PARVG: variants seen among roughly 807,000 people sequenced by gnomAD.
The protein encoded by PARVG is gamma-parvin.
In PARVG, 36 loss-of-function variants were observed where a neutral mutation model predicts 44.4. The observed-to-expected ratio is 0.81, with a 90% CI of 0.62 to 1.07. PARVG has a LOEUF of 1.07. Among genes scored for constraint, PARVG ranks in the 50% least tolerant of loss-of-function variants. The pLI, the probability that PARVG is intolerant of heterozygous loss-of-function variation, is 0.00. For synonymous variants in PARVG, 170 were observed against 174.1 expected, an observed-to-expected ratio of 0.98 and a Z score of 0.19; for missense variants, 407 against 407.4, an observed-to-expected ratio of 1.00 and a Z score of 0.01.
At position 44,175,425 on chromosome 22, in the gene PARVG, C is replaced by T. The variant is rs548885214; in HGVS notation, c.-189+2234C>T. Among the ~76,000 whole-genome samples, 6 of 152,374 alleles carry T rather than the reference C, an allele frequency of 3.9e-5. No individual in the cohort carries two copies. In the East Asian group the frequency reaches 7.7e-4, roughly 20 times the overall value. On this transcript the variant is annotated intron_variant, in intron 1 of 13. Transcript: ENST00000422871. The stretch of plus-strand genomic sequence containing the variant: ...TACCCAGGCAGGAATCCCCGGCCAC[C>T]GCAGGGACGGGCATCTCTGTTCCTT...
At chr22:44,175,006 C>T (rs1189134803) in intron 1 of PARVG, among the ~76,000 whole-genome samples, 1 of 152,162 alleles carries the variant, frequency 6.6e-6, no homozygotes, top group Non-Finnish European at 1.5e-5. Context: ...CCTGTAATCC[C>T]AGCTACTAGG....
chr22:44,183,756 T>C, intron 3 of PARVG: 1 of 401,064 alleles, frequency 2.5e-6, no homozygotes, highest in East Asian at 3.6e-5. Context: ...TTTATACAGA[T>C]GAGGAAACTG....
At chr22:44,191,785 G>A (rs2054552167) in intron 7 of PARVG, among the ~76,000 whole-genome samples, 1 of 152,148 alleles carries the variant, frequency 6.6e-6, no homozygotes, top group Admixed American at 6.5e-5. Flanking sequence ...AATCAGAAGT[G>A]ACTTCATTGA....
Position 44,187,892 on chromosome 22 carries a change from T to G in PARVG, c.247+14T>G. 3 of 1,613,968 alleles carry G rather than the reference T, an allele frequency of 1.9e-6. No homozygotes were observed. Among genetic ancestry groups the G allele is most frequent in the East Asian group, 2.2e-5 (1 of 44,886 alleles). On this transcript the variant is annotated intron_variant, in intron 5 of 13. Coordinates refer to ENST00000444313, the MANE Select transcript of PARVG (RefSeq NM_022141.7). ...ACCACCTATTCCGTAAGTGGCTGTT[T>G]CTGGGGCTGCCTGGGCCTCGGCCCC... is the stretch of plus-strand genomic sequence containing the variant.
In PARVG at chr22:44,206,983, G is replaced by C. The variant is rs978348905; in HGVS notation, c.*557G>C. On this transcript the variant is annotated 3_prime_UTR_variant, in exon 14 of 14. Coordinates refer to ENST00000444313, the MANE Select transcript of PARVG (RefSeq NM_022141.7). ...GATTCAGTGACTGTCAAAGCAACCC[G>C]GGCTGTGTCCTGCAGCTGCCCTCGT... The C allele has an allele frequency of 1.3e-5, 2 of 156,746 alleles. No homozygotes were observed. The highest frequency in any genetic ancestry group is 2.4e-5 in the African/African-American group (1 of 41,406). 9.7% of individuals were successfully genotyped at this position (156,746 alleles called of 1,614,324 possible). A position where few individuals can be genotyped will look rare whatever the true frequency, so the allele number is the denominator to read the frequency against.
intron 12 of PARVG, 121 bp from the exon 13 acceptor site, chr22:44,205,636 G>T: frequency 8.5e-7 from 1 of 1,177,480 alleles, no homozygotes. Flanking sequence ...GCCCACCTTG[G>T]ATGGGAGTTT....
chr22:44,183,198 C>T (rs911898503), intron 2 of PARVG, 120 bp from the exon 3 acceptor site: 42 of 858,900 alleles, frequency 4.9e-5, no homozygotes, highest in Non-Finnish European at 6.5e-5. Flanking sequence ...GGCATGCTGA[C>T]GTGTCCCCAG....
chr22:44,189,116 A>C lies in PARVG; in HGVS notation c.250A>C (p.Arg84=). ...DGLILHHLFQ[R]LAALKLEAED... Reference sequence around the variant, plus strand: ...TCACCACCCTCTCCTGCCTCCAGAGAGGCTGGCGGCGCTCAAGCTGGAAGC... The same window carrying C: ...TCACCACCCTCTCCTGCCTCCAGAGCGGCTGGCGGCGCTCAAGCTGGAAGC... The change falls in exon 6 of 14, where the codon AGG becomes CGG. Residue 84 remains arginine, a splice_region_variant and synonymous_variant. Transcript: ENST00000444313. 6.2e-7 allele frequency: 1 copy of C among 1,613,482 alleles called. No homozygotes were observed. Among genetic ancestry groups the C allele is most frequent in the Non-Finnish European group, 8.5e-7 (1 of 1,179,964 alleles).
At chr22:44,193,116 TG>T (rs1419148953) in intron 8 of PARVG, among the ~76,000 whole-genome samples, 12 of 152,118 alleles carry the variant, frequency 7.9e-5, no homozygotes, top group Non-Finnish European at 1.6e-4. Context: ...CTCTGCCCCG[TG>T]GGCCCCAGCT....
At position 44,198,652 on chromosome 22, in the gene PARVG, T is replaced by C. The variant is rs150047528; in HGVS notation, c.743T>C (p.Ile248Thr). Reference sequence around the variant, plus strand: ...GATGGGGTCATCTTACTCTTGCTGATTGGACAACTTGAAGGCTTCTTCCTG... The same window carrying C: ...GATGGGGTCATCTTACTCTTGCTGACTGGACAACTTGAAGGCTTCTTCCTG... Reference protein sequence around the residue: ...FADGVILLLLIGQLEGFFLHL... With the variant: ...FADGVILLLLTGQLEGFFLHL... Residue 248 changes from isoleucine (I) to threonine (T), a missense_variant, in exon 12 of 14, where the codon ATT (isoleucine) becomes ACT (threonine). Coordinates refer to ENST00000444313, the MANE Select transcript of PARVG (RefSeq NM_022141.7). 1.9e-5 allele frequency: 31 copies of C among 1,613,838 alleles called. No homozygotes were observed. Among genetic ancestry groups the C allele is most frequent in the Non-Finnish European group, 2.5e-5 (30 of 1,179,842 alleles).
chr22:44,178,230 G>C (rs1049362732), upstream of PARVG, among the ~76,000 whole-genome samples: 3 of 152,196 alleles, frequency 2.0e-5, no homozygotes, highest in East Asian at 5.8e-4. Context: ...CAGCTTTTCT[G>C]TGAGTTTGAA....
At chr22:44,174,837 G>T (rs536138205) in intron 1 of PARVG, among the ~76,000 whole-genome samples, 6 of 152,176 alleles carry the variant, frequency 3.9e-5, no homozygotes, top group South Asian at 2.1e-4. Flanking sequence ...AAATATAACT[G>T]CCGTCCGGGC....
intron 6 of PARVG, 26 bp downstream of exon 6, chr22:44,189,280 C>T: frequency 6.2e-7 from 1 of 1,612,154 alleles, no homozygotes. Context: ...CCTGGCTACC[C>T]CTGGGGAGTG....
At chr22:44,205,038 G>A (rs1034177934) in intron 12 of PARVG, among the ~76,000 whole-genome samples, 2 of 152,200 alleles carry the variant, frequency 1.3e-5, no homozygotes, top group South Asian at 2.1e-4. Flanking sequence ...GAGGCCCTGG[G>A]CAGGGACTAA....
At chr22:44,180,160 T>A (rs941967945), upstream of PARVG, among the ~76,000 whole-genome samples, 6 of 152,140 alleles carry the variant, frequency 3.9e-5, no homozygotes, top group African/African-American at 1.4e-4. Flanking sequence ...GCTGGCTGTG[T>A]CCCTCTACCA....
chr22:44,206,148 C>T lies in PARVG; in HGVS notation c.887-169C>T, dbSNP rs545613556. ...ACTGGCCAGGAGGAGGAGGCAGTCA[C>T]GCAGCAGGCGCGGGACCCAGGCCTG... On this transcript the variant is annotated intron_variant, in intron 13 of 13. Transcript: ENST00000444313. Among the ~76,000 whole-genome samples, 126 of 152,180 alleles carry T rather than the reference C, an allele frequency of 8.3e-4. 1 individual carries two copies. The highest frequency in any genetic ancestry group is 1.3e-3 in the Non-Finnish European group (87 of 67,978).
Position 44,198,911 on chromosome 22 carries a change from C to T in PARVG, c.813+189C>T, listed in dbSNP as rs1414509437. On this transcript the variant is annotated intron_variant, in intron 12 of 13. Coordinates refer to ENST00000444313, the MANE Select transcript of PARVG (RefSeq NM_022141.7). Reference sequence around the variant, plus strand: ...CTATTCACCTATCCATCCATCTACCCATCCATCCATCTACCCATCCATCCA... The same window carrying T: ...CTATTCACCTATCCATCCATCTACCTATCCATCCATCTACCCATCCATCCA... 2.8e-4 allele frequency among the ~76,000 whole-genome samples: 30 copies of T among 109,076 alleles called. 1 individual carries two copies. Among genetic ancestry groups the T allele is most frequent in the Admixed American group, 2.2e-3 (22 of 10,086 alleles). The allele number at this position is 109,076 out of a possible 152,430, so 71.6% of individuals were successfully genotyped here. A position where few individuals can be genotyped will look rare whatever the true frequency, so the allele number is the denominator to read the frequency against.
In PARVG at chr22:44,183,318, G is replaced by C. The variant is rs2054412508; in HGVS notation, c.-12G>C. The C allele has an allele frequency of 6.2e-7, 1 of 1,606,762 alleles. No homozygotes were observed. Among genetic ancestry groups the C allele is most frequent in the Non-Finnish European group, 8.5e-7 (1 of 1,177,812 alleles). On this transcript the variant is annotated splice_region_variant and 5_prime_UTR_variant, in exon 3 of 14. Coordinates refer to ENST00000444313, the MANE Select transcript of PARVG (RefSeq NM_022141.7). ...GCCCTCTCCTGCCTCCTCTGTGCAG[G>C]CTTGGGAGGCGATGGAGCCGGAGTT...
In PARVG at chr22:44,189,221, C is replaced by T; in HGVS notation, c.355C>T (p.Leu119=). The change falls in exon 6 of 14, where the codon CTG becomes TTG. Residue 119 remains leucine, a synonymous_variant. Transcript: ENST00000444313. ...VLEAVNRSLQ[L]EEWQAKWSVE... ...GGAGGCCGTGAACCGGAGTCTGCAG[C>T]TGGAGGAGTGGCAGGCCAAGTGGAG... The T allele has an allele frequency of 1.2e-6, 2 of 1,614,224 alleles. No individual in the cohort carries two copies. Among genetic ancestry groups the T allele is most frequent in the Non-Finnish European group, 1.7e-6 (2 of 1,180,026 alleles).
Sources: gnomAD v4.1 joint callset for allele counts (sites outside exome capture counted in the v4.1 genomes callset) on GRCh38, gnomAD v4.1.1 for gene constraint, MANE v1.5 for transcripts, NCBI Gene and HGNC (gene_info 2026-07-23, HGNC 2026-07-21) for gene names.